Variants in APBB2 observed in about 807,000 individuals in gnomAD.
APBB2 encodes the protein amyloid beta precursor protein binding family B member 2.
In APBB2, 38 loss-of-function variants were observed where a neutral mutation model predicts 82.5. The observed-to-expected ratio is 0.46, with a 90% CI of 0.36 to 0.60. The LOEUF is 0.60. APBB2 is among the 20% of genes least tolerant of loss of function. The pLI, the probability that APBB2 is intolerant of heterozygous loss-of-function variation, is 0.00. For synonymous variants in APBB2, 341 were observed against 368.2 expected (o/e 0.93, Z 0.85); for missense variants, 772 against 972.3 (o/e 0.79, Z 2.74).
intron 16 of APBB2, 111 bp from the exon 17 acceptor site, chr4:40,822,161 G>A (rs1012713057): frequency 1.4e-5 from 18 of 1,309,024 alleles, no homozygotes; most frequent in East Asian, 1.2e-4. Flanking sequence ...AATTCAGAAA[G>A]GACCTGTGTT....
At chr4:40,959,770 T>C (rs894266956) in intron 6 of APBB2, among the ~76,000 whole-genome samples, 2 of 152,322 alleles carry the variant, frequency 1.3e-5, no homozygotes, top group South Asian at 2.1e-4. Flanking sequence ...ATAAACCATA[T>C]ACATTTTATT....
chr4:41,028,218 CAAAGT>C, intron 5 of APBB2, among the ~76,000 whole-genome samples: 1 of 152,226 alleles, frequency 6.6e-6, no homozygotes, highest in East Asian at 1.9e-4. Context: ...ACAAAACCAA[CAAAGT>C]AAAGATACCT....
chr4:40,820,134 G>A (rs1747319813), intron 17 of APBB2, among the ~76,000 whole-genome samples: 1 of 152,218 alleles, frequency 6.6e-6, no homozygotes, highest in Non-Finnish European at 1.5e-5. Context: ...GTGCGAGGCT[G>A]AATTAAATGA....
At chr4:41,163,522 A>T (rs1765712410) in intron 1 of APBB2, among the ~76,000 whole-genome samples, 1 of 152,194 alleles carries the variant, frequency 6.6e-6, no homozygotes, top group South Asian at 2.1e-4. Context: ...CAGAGAAAGA[A>T]GATTACTTTC....
chr4:41,103,173 A>G (rs142116589), intron 2 of APBB2, among the ~76,000 whole-genome samples: 90 of 152,292 alleles, frequency 5.9e-4, no homozygotes, highest in African/African-American at 2.1e-3. Flanking sequence ...ACAATTACCA[A>G]CCATAGACAC....
chr4:41,012,115 A>T (rs898099759), intron 6 of APBB2, among the ~76,000 whole-genome samples: 1 of 152,190 alleles, frequency 6.6e-6, no homozygotes, highest in African/African-American at 2.4e-5. Context: ...TCAGCCTCCC[A>T]AAGTGCTGGG....
chr4:40,994,350 C>A lies in APBB2; in HGVS notation c.835+19233G>T, dbSNP rs889566086. ...ACAGACTACAGGCCAAACTTACTAG[C>A]TGCAACGAGATTTTCTCCAAGACTT... On this transcript the variant is annotated intron_variant, in intron 6 of 17. Coordinates refer to ENST00000508593, the MANE Select transcript of APBB2 (RefSeq NM_004307.2). Among the ~76,000 whole-genome samples the A allele has an allele frequency of 4.0e-5, 6 of 151,404 alleles. No homozygotes were observed. In the South Asian group the frequency reaches 6.3e-4, roughly 16 times the overall value.
At position 41,053,134 on chromosome 4, in the gene APBB2, A is replaced by G. The variant is rs570038469; in HGVS notation, c.-51+12442T>C. Among the ~76,000 whole-genome samples the G allele has an allele frequency of 1.4e-3, 216 of 152,332 alleles. 1 individual carries two copies. The highest frequency in any genetic ancestry group is 4.4e-3 in the African/African-American group (184 of 41,584). On this transcript the variant is annotated intron_variant, in intron 4 of 17. Transcript: ENST00000508593. ...CATATTTTTATTTTTTAAATGAATA[A>G]CTGAAAGCATTCCAGGTCTCAAGTT...
At chr4:40,893,996 T>C (rs1437977334) in intron 10 of APBB2, among the ~76,000 whole-genome samples, 3 of 145,242 alleles carry the variant, frequency 2.1e-5, no homozygotes, top group East Asian at 4.2e-4. Flanking sequence ...AAAAAAAGAA[T>C]AGATTATGAG....
At chr4:41,203,967 T>C (rs1777325887) in intron 1 of APBB2, among the ~76,000 whole-genome samples, 1 of 152,128 alleles carries the variant, frequency 6.6e-6, no homozygotes, top group African/African-American at 2.4e-5. Context: ...CTGGACTCTC[T>C]CAAATGAAAA....
chr4:40,856,414 GC>G (rs1458452590), intron 12 of APBB2, among the ~76,000 whole-genome samples: 15 of 152,208 alleles, frequency 9.9e-5, no homozygotes, highest in African/African-American at 3.4e-4. Flanking sequence ...CTTTCTCAAT[GC>G]CAAGAGCTGG....
intron 6 of APBB2, among the ~76,000 whole-genome samples, chr4:40,947,514 T>C (rs1055231569): frequency 2.6e-5 from 4 of 152,252 alleles, no homozygotes; most frequent in Non-Finnish European, 5.9e-5. Flanking sequence ...AGAGGTATCA[T>C]GAGAGGAACT....
chr4:40,861,437 G>A (rs2154335117), intron 12 of APBB2, among the ~76,000 whole-genome samples: 1 of 152,338 alleles, frequency 6.6e-6, no homozygotes, highest in Non-Finnish European at 1.5e-5. Context: ...TGAGGCAGAA[G>A]GATTGCTTGA....
chr4:40,982,203 GA>G (rs781650195), intron 6 of APBB2, among the ~76,000 whole-genome samples: 140 of 32,710 alleles, frequency 4.3e-3, no homozygotes, highest in East Asian at 0.017. Flanking sequence ...AGGAAAGAAA[GA>G]AAAGAAAGAA....
chr4:40,899,370 G>C (rs1328353870), intron 10 of APBB2, among the ~76,000 whole-genome samples: 1 of 152,144 alleles, frequency 6.6e-6, no homozygotes, highest in Non-Finnish European at 1.5e-5. Flanking sequence ...GTGGAATTGA[G>C]TCATCCTATC....
chr4:40,929,369 A>T (rs1194062409), intron 10 of APBB2, among the ~76,000 whole-genome samples: 1 of 152,130 alleles, frequency 6.6e-6, no homozygotes, highest in African/African-American at 2.4e-5. Flanking sequence ...ATGCGATCTC[A>T]GCCCACTGCA....
chr4:41,116,687 A>G (rs1036135502), intron 2 of APBB2, among the ~76,000 whole-genome samples: 2 of 152,172 alleles, frequency 1.3e-5, no homozygotes, highest in African/African-American at 4.8e-5. Flanking sequence ...GCAAAAAATA[A>G]TATGTATTGA....
intron 12 of APBB2, among the ~76,000 whole-genome samples, chr4:40,843,436 A>G (rs1432996344): frequency 2.2e-5 from 2 of 88,968 alleles, no homozygotes; most frequent in African/African-American, 8.1e-5. Flanking sequence ...AACAAAGCCA[A>G]GCTGTTTTTA....
intron 13 of APBB2, among the ~76,000 whole-genome samples, chr4:40,827,644 C>T (rs1577724967): frequency 6.6e-6 from 1 of 152,184 alleles, no homozygotes; most frequent in African/African-American, 2.4e-5. Context: ...GCACCTCTGC[C>T]ACTTACTAGC....
Sources: gnomAD v4.1 joint callset for allele counts (sites outside exome capture counted in the v4.1 genomes callset) on GRCh38, gnomAD v4.1.1 for gene constraint, MANE v1.5 for transcripts, NCBI Gene and HGNC (gene_info 2026-07-23, HGNC 2026-07-21) for gene names.